IFFO2: variants seen among roughly 807,000 people sequenced by gnomAD.
IFFO2 encodes the protein intermediate filament family orphan 2.
In IFFO2, 19 loss-of-function variants were observed where a neutral mutation model predicts 53.5. The observed-to-expected ratio is 0.36, with a 90% CI of 0.25 to 0.52. The LOEUF (loss-of-function observed/expected upper bound fraction) is 0.52. Ranked by LOEUF, IFFO2 falls within the 20% of genes least tolerant of loss-of-function variation. IFFO2 has a pLI of 0.94. For missense variants in IFFO2, 570 were observed against 727.4 expected, an observed-to-expected ratio of 0.78 and a Z score of 2.49; for synonymous variants, 303 against 313.6, an observed-to-expected ratio of 0.97 and a Z score of 0.36.
intron 1 of IFFO2, among the ~76,000 whole-genome samples, chr1:18,933,536 C>T (rs1936407360): frequency 6.6e-6 from 1 of 152,168 alleles, no homozygotes; most frequent in Non-Finnish European, 1.5e-5. Flanking sequence ...GCACTTTGGG[C>T]AGGTGGATCA....
At chr1:18,929,685 G>A (rs1234052230) in intron 1 of IFFO2, among the ~76,000 whole-genome samples, 2 of 133,444 alleles carry the variant, frequency 1.5e-5, no homozygotes, top group Non-Finnish European at 3.2e-5. Context: ...GAGTGGGAAA[G>A]AACGGCAAGC....
chr1:18,954,713 T>C (rs1274270951), intron 1 of IFFO2, among the ~76,000 whole-genome samples: 1 of 152,194 alleles, frequency 6.6e-6, no homozygotes, highest in Admixed American at 6.5e-5. Flanking sequence ...GCAGACAGTA[T>C]TGTCGGCCAG....
intron 1 of IFFO2, among the ~76,000 whole-genome samples, chr1:18,934,504 T>A (rs1936420324): frequency 6.6e-6 from 1 of 152,200 alleles, no homozygotes; most frequent in Non-Finnish European, 1.5e-5. Flanking sequence ...CAAAACCACT[T>A]AAATTTTTAA....
At chr1:18,927,290 G>T (rs567990859) in intron 1 of IFFO2, among the ~76,000 whole-genome samples, 1 of 152,218 alleles carries the variant, frequency 6.6e-6, no homozygotes, top group African/African-American at 2.4e-5. Context: ...CGGCCGGCAC[G>T]CCTAGGCCGA....
intron 1 of IFFO2, among the ~76,000 whole-genome samples, chr1:18,938,379 C>T (rs1487280042): frequency 1.3e-5 from 2 of 152,206 alleles, no homozygotes; most frequent in African/African-American, 2.4e-5. Flanking sequence ...GCTGCTACAG[C>T]GTCCAGGGCC....
intron 1 of IFFO2, among the ~76,000 whole-genome samples, chr1:18,952,305 A>C (rs746742617): frequency 6.6e-6 from 1 of 152,170 alleles, no homozygotes; most frequent in Non-Finnish European, 1.5e-5. Context: ...GCCAAGGGAA[A>C]ACCAAAGCAG....
intron 1 of IFFO2, among the ~76,000 whole-genome samples, chr1:18,945,583 GAGC>G (rs1332762076): frequency 6.6e-6 from 1 of 152,250 alleles, no homozygotes; most frequent in Non-Finnish European, 1.5e-5. Flanking sequence ...TCTCTCCATC[GAGC>G]AGCAGATGAG....
chr1:18,922,358 C>G lies in IFFO2; in HGVS notation c.666-1237G>C, dbSNP rs537517785. ...CTTCCTCACCCCACTGCTACCCTCCCTACATGGCCTCGGAGCAGGGCAGTC... is the reference window on the plus strand; with the variant it reads ...CTTCCTCACCCCACTGCTACCCTCCGTACATGGCCTCGGAGCAGGGCAGTC... On this transcript the variant is annotated intron_variant, in intron 1 of 8. Coordinates refer to ENST00000455833, the MANE Select transcript of IFFO2 (RefSeq NM_001136265.2). Among the ~76,000 whole-genome samples the G allele has an allele frequency of 2.0e-4, 31 of 152,306 alleles. No homozygotes were observed. The East Asian group carries it at 5.6e-3, about 28-fold the overall frequency.
Position 18,943,595 on chromosome 1 carries a change from G to A in IFFO2, c.665+12073C>T, listed in dbSNP as rs192247890. 6.8e-4 allele frequency among the ~76,000 whole-genome samples: 104 copies of A among 152,242 alleles called. 1 individual carries two copies. Among genetic ancestry groups the A allele is most frequent in the African/African-American group, 2.4e-3 (98 of 41,528 alleles). ...ATAAGGAGACAGGGCAGCCTTTCCT[G>A]AATCAGGCTCACCAACACCCTGTGG... is the stretch of plus-strand genomic sequence containing the variant. On this transcript the variant is annotated intron_variant, in intron 1 of 8. Transcript: ENST00000455833.
intron 1 of IFFO2, among the ~76,000 whole-genome samples, chr1:18,951,762 T>A (rs1936662702): frequency 6.6e-6 from 1 of 152,156 alleles, no homozygotes; most frequent in Non-Finnish European, 1.5e-5. Flanking sequence ...AGCCTGGGGA[T>A]GGGATGGCCA....
In IFFO2 at chr1:18,916,762, G is replaced by T; in HGVS notation, c.1103+141C>A. On this transcript the variant is annotated intron_variant, in intron 5 of 8. Transcript: ENST00000455833. This position sits in a 1 kb window ranked among gnomAD's most constrained non-coding sequence, Gnocchi z 4.3. The stretch of plus-strand genomic sequence containing the variant: ...GCCTCCAGCCTGGGTGACAAAGTGA[G>T]ACCCTGTCTCAAAAAAAAAAAGGAA... 1 of 1,078,430 alleles carries T rather than the reference G, an allele frequency of 9.3e-7. No individual in the cohort carries two copies. The highest frequency in any genetic ancestry group is 1.3e-6 in the Non-Finnish European group (1 of 764,576). 66.8% of individuals were successfully genotyped at this position (1,078,430 alleles called of 1,614,324 possible).
In IFFO2 at chr1:18,917,477, C is replaced by T. The variant is rs1936149727; in HGVS notation, c.964-435G>A. Among the ~76,000 whole-genome samples the T allele has an allele frequency of 6.6e-6, 1 of 152,102 alleles. No individual in the cohort carries two copies. ...ACATGCAAAGGCAAAGGACAGACGG[C>T]CCAAGGTTCACCGAAAGCTTCCACT... On this transcript the variant is annotated intron_variant, in intron 4 of 8. Transcript: ENST00000455833. This position sits in a 1 kb window ranked among gnomAD's most constrained non-coding sequence, Gnocchi z 5.9.
At chr1:18,923,975 G>C (rs1458197471) in intron 1 of IFFO2, among the ~76,000 whole-genome samples, 2 of 152,198 alleles carry the variant, frequency 1.3e-5, no homozygotes, top group Non-Finnish European at 2.9e-5. Context: ...GGATGAGCTT[G>C]CACAAATGAT....
Position 18,945,363 on chromosome 1 carries a change from G to A in IFFO2, c.665+10305C>T, listed in dbSNP as rs746633317. On this transcript the variant is annotated intron_variant, in intron 1 of 8. Coordinates refer to ENST00000455833, the MANE Select transcript of IFFO2 (RefSeq NM_001136265.2). ...ACAGTGGGCCAGGAGCAAAACGGGG[G>A]TGCCAACGGGCCCTGGGAAGATGGG... 2.6e-5 allele frequency among the ~76,000 whole-genome samples: 4 copies of A among 152,150 alleles called. No individual in the cohort carries two copies. The East Asian group carries it at 7.7e-4, about 29-fold the overall frequency.
chr1:18,926,109 GGATGGATA>G (rs202142696), intron 1 of IFFO2, among the ~76,000 whole-genome samples: 1 of 91,960 alleles, frequency 1.1e-5, no homozygotes, highest in African/African-American at 4.9e-5. Context: ...TGGATTGGTT[GGATGGATA>G]GATGGATGGA....
intron 1 of IFFO2, among the ~76,000 whole-genome samples, chr1:18,944,868 A>T (rs1268034632): frequency 1.3e-5 from 2 of 152,166 alleles, no homozygotes; most frequent in Admixed American, 6.5e-5. Context: ...CAAAACAAGA[A>T]AGAAAGGAAA....
At chr1:18,943,504 G>C (rs1936546535) in intron 1 of IFFO2, among the ~76,000 whole-genome samples, 2 of 152,164 alleles carry the variant, frequency 1.3e-5, no homozygotes, top group South Asian at 4.1e-4. Flanking sequence ...AGCCTCTACG[G>C]TTCACCCAAC....
At chr1:18,942,336 C>A (rs1448754731) in intron 1 of IFFO2, among the ~76,000 whole-genome samples, 1 of 152,158 alleles carries the variant, frequency 6.6e-6, no homozygotes, top group Non-Finnish European at 1.5e-5. Context: ...GGGGATGTGG[C>A]CTGACAAATA....
At chr1:18,931,913 T>C (rs929466447) in intron 1 of IFFO2, among the ~76,000 whole-genome samples, 20 of 152,204 alleles carry the variant, frequency 1.3e-4, no homozygotes, top group African/African-American at 4.8e-4. Context: ...TGTGTACACA[T>C]GGGGTCACAG....
Sources: gnomAD v4.1 joint callset for allele counts (sites outside exome capture counted in the v4.1 genomes callset) on GRCh38, gnomAD v4.1.1 for gene constraint, Gnocchi (gnomAD v3.1) non-coding constraint, MANE v1.5 for transcripts, NCBI Gene and HGNC (gene_info 2026-07-23, HGNC 2026-07-21) for gene names.